The following PLEKHA5 variants were observed in gnomAD, a reference collection of about 807,000 sequenced individuals.
The protein encoded by PLEKHA5 is pleckstrin homology domain-containing family A member 5.
In PLEKHA5, 55 loss-of-function variants were observed where a neutral mutation model predicts 181.9. That is an observed-to-expected ratio of 0.30 (90% CI 0.24 to 0.38). PLEKHA5 has a LOEUF of 0.38. PLEKHA5 is among the 10% of genes least tolerant of loss of function. The pLI is 1.00. For missense variants in PLEKHA5, 1,432 were observed against 1,549.5 expected (o/e 0.92, Z 1.27); for synonymous variants, 535 against 529.4 (o/e 1.01, Z -0.15).
intron 3 of PLEKHA5, among the ~76,000 whole-genome samples, chr12:19,180,162 T>A (rs563494375): frequency 3.6e-4 from 55 of 152,338 alleles, no homozygotes; most frequent in Admixed American, 1.7e-3. Flanking sequence ...CCAGCGGTAG[T>A]AAGCAAATCT....
At chr12:19,357,378 G>A (rs2095001697) in intron 26 of PLEKHA5, among the ~76,000 whole-genome samples, 2 of 151,650 alleles carry the variant, frequency 1.3e-5, no homozygotes, top group Admixed American at 1.3e-4. Context: ...CCGAGTAGCT[G>A]GGACTACTGG....
At chr12:19,224,270 T>C (rs187476331) in intron 3 of PLEKHA5, among the ~76,000 whole-genome samples, 3 of 152,188 alleles carry the variant, frequency 2.0e-5, no homozygotes, top group African/African-American at 7.2e-5. Context: ...GTTGCTTTTT[T>C]AATAAAGTAA....
chr12:19,229,586 C>T (rs553501372), intron 3 of PLEKHA5, among the ~76,000 whole-genome samples: 1 of 152,252 alleles, frequency 6.6e-6, no homozygotes, highest in Admixed American at 6.5e-5. Context: ...CAGACCTTCG[C>T]AGTGAGTGTT....
At chr12:19,324,496 T>C (rs1170436952) in intron 20 of PLEKHA5, among the ~76,000 whole-genome samples, 1 of 152,154 alleles carries the variant, frequency 6.6e-6, no homozygotes. Context: ...ACAAAGCTAA[T>C]AAATAATATA....
intron 10 of PLEKHA5, among the ~76,000 whole-genome samples, chr12:19,273,623 G>C (rs1244757275): frequency 6.6e-6 from 1 of 152,134 alleles, no homozygotes; most frequent in Non-Finnish European, 1.5e-5. Flanking sequence ...TCTTTTCAGA[G>C]TCTGGAAGTG....
intron 3 of PLEKHA5, among the ~76,000 whole-genome samples, chr12:19,137,728 T>C (rs942091980): frequency 6.6e-6 from 1 of 152,134 alleles, no homozygotes; most frequent in African/African-American, 2.4e-5. Flanking sequence ...CTCAGTAGAC[T>C]TTGTTGTGGA....
chr12:19,132,206 G>T (rs890020688), intron 2 of PLEKHA5, among the ~76,000 whole-genome samples, 187 bp from the exon 3 acceptor site: 1 of 152,130 alleles, frequency 6.6e-6, no homozygotes, highest in Admixed American at 6.5e-5. Flanking sequence ...TACTTTTCTG[G>T]TGGCTCTAAA....
At chr12:19,290,226 C>T (rs895510719) in intron 13 of PLEKHA5, among the ~76,000 whole-genome samples, 4 of 152,036 alleles carry the variant, frequency 2.6e-5, no homozygotes, top group Admixed American at 1.3e-4. Context: ...CCACTGTGCC[C>T]GGACTACATT....
intron 3 of PLEKHA5, among the ~76,000 whole-genome samples, chr12:19,139,401 C>T (rs1197236018): frequency 6.6e-6 from 1 of 152,084 alleles, no homozygotes; most frequent in East Asian, 1.9e-4. Context: ...TTTTACTCCC[C>T]TCAAAAAGCA....
At chr12:19,257,639 G>A (rs947367510) in intron 6 of PLEKHA5, 102 bp downstream of exon 6, 1 of 682,472 alleles carries the variant, frequency 1.5e-6, no homozygotes, top group East Asian at 2.9e-5. Flanking sequence ...AATTAAGAAG[G>A]AACTATGGAG....
rs1343467338 is a variant in PLEKHA5, at chr12:19,274,504, C to G, written c.846-12C>G. 6.6e-7 allele frequency: 1 copy of G among 1,508,046 alleles called. No individual in the cohort carries two copies. Among genetic ancestry groups the G allele is most frequent in the African/African-American group, 1.4e-5 (1 of 71,388 alleles). The allele number at this position is 1,508,046 out of a possible 1,614,324, so 93.4% of individuals were successfully genotyped here. The stretch of plus-strand genomic sequence containing the variant: ...TCATCTGATTTACTATGATTTTCTT[C>G]TCTGATTTCAGAGTGGACAAGATTA... On this transcript the variant is annotated splice_polypyrimidine_tract_variant and intron_variant, in intron 10 of 31. Transcript: ENST00000429027.
intron 7 of PLEKHA5, among the ~76,000 whole-genome samples, chr12:19,261,369 C>A (rs2068432409): frequency 6.6e-6 from 1 of 152,110 alleles, no homozygotes; most frequent in African/African-American, 2.4e-5. Context: ...CCTTCAAGCA[C>A]CCAATTCTGC....
At chr12:19,368,250 G>A (rs1279835033) in intron 30 of PLEKHA5, among the ~76,000 whole-genome samples, 1 of 152,180 alleles carries the variant, frequency 6.6e-6, no homozygotes, top group East Asian at 1.9e-4. Flanking sequence ...CAGCACTTTC[G>A]GAAGCCAAGG....
intron 3 of PLEKHA5, among the ~76,000 whole-genome samples, chr12:19,162,738 C>T (rs2043254828): frequency 1.3e-5 from 2 of 152,154 alleles, no homozygotes; most frequent in African/African-American, 4.8e-5. Flanking sequence ...TCAGTTTGCT[C>T]ATAGGCTCTG....
chr12:19,294,120 C>G (rs1299632690), intron 15 of PLEKHA5, among the ~76,000 whole-genome samples: 2 of 152,030 alleles, frequency 1.3e-5, no homozygotes, highest in Non-Finnish European at 2.9e-5. Context: ...AAAATTGGGC[C>G]ATTTTTAGGT....
At chr12:19,235,632 C>T (rs2061306798) in intron 3 of PLEKHA5, among the ~76,000 whole-genome samples, 1 of 152,068 alleles carries the variant, frequency 6.6e-6, no homozygotes, top group African/African-American at 2.4e-5. Flanking sequence ...AAGTAACCTG[C>T]CTGTGGTCAG....
chr12:19,374,512 A>G (rs572646560), intron 31 of PLEKHA5, among the ~76,000 whole-genome samples: 17 of 151,530 alleles, frequency 1.1e-4, no homozygotes, highest in African/African-American at 3.9e-4. Flanking sequence ...TACAAAAATT[A>G]GCTGGGCGTG....
chr12:19,219,754 G>C (rs1015259651), intron 3 of PLEKHA5, among the ~76,000 whole-genome samples: 1 of 151,908 alleles, frequency 6.6e-6, no homozygotes, highest in African/African-American at 2.4e-5. Flanking sequence ...TAATGTATAG[G>C]CTCAATTTCT....
At chr12:19,266,465 C>T (rs935036378) in intron 8 of PLEKHA5, among the ~76,000 whole-genome samples, 1 of 151,778 alleles carries the variant, frequency 6.6e-6, no homozygotes, top group Non-Finnish European at 1.5e-5. Context: ...GCCTGGGCAA[C>T]ACAGTAAGAC....
Sources: allele counts gnomAD v4.1 joint callset (sites outside exome capture counted in the v4.1 genomes callset), GRCh38; gene constraint gnomAD v4.1.1; transcripts MANE v1.5; gene names NCBI Gene and HGNC (gene_info 2026-07-23, HGNC 2026-07-21).